The following WWOX variants were observed in gnomAD, a reference collection of about 807,000 sequenced individuals.
WWOX encodes WW domain-containing oxidoreductase.
A neutral mutation model predicts 46.2 loss-of-function variants in WWOX; 69 were observed. The ratio of observed to expected loss-of-function variants is 1.49; its 90% CI spans 1.23 to 1.82. The LOEUF is 1.82. WWOX is among the 40% of genes most tolerant of loss of function. The pLI is 0.00. For missense variants in WWOX, 919 were observed against 542.6 expected (o/e 1.69, Z -6.89); for synonymous variants, 359 against 202.6 (o/e 1.77, Z -6.56).
At chr16:78,808,815 C>G (rs1335510985) in intron 8 of WWOX, among the ~76,000 whole-genome samples, 1 of 152,114 alleles carries the variant, frequency 6.6e-6, no homozygotes, top group Non-Finnish European at 1.5e-5. Context: ...GCCTAAACTG[C>G]TATTTTATGT....
chr16:78,353,503 C>T (rs945606675), intron 5 of WWOX, among the ~76,000 whole-genome samples: 1 of 152,194 alleles, frequency 6.6e-6, no homozygotes. Flanking sequence ...CTTTCTGTCC[C>T]TTCTCCTCTA....
intron 4 of WWOX, chr16:78,118,838 T>C (rs1301414975): frequency 6.6e-6 from 1 of 152,206 alleles, no homozygotes; most frequent in East Asian, 1.9e-4. Context: ...GCACATTGTA[T>C]GTAACTGTTG....
chr16:78,612,583 C>T (rs2045926938), intron 8 of WWOX, among the ~76,000 whole-genome samples: 1 of 152,178 alleles, frequency 6.6e-6, no homozygotes, highest in African/African-American at 2.4e-5. Flanking sequence ...TCAAGCATTC[C>T]TCCCACATCA....
intron 5 of WWOX, among the ~76,000 whole-genome samples, chr16:78,221,784 G>T (rs2036896210): frequency 1.3e-5 from 2 of 152,140 alleles, no homozygotes; most frequent in African/African-American, 4.8e-5. Flanking sequence ...TGGAAGGTTT[G>T]TAATTTGTTT....
At chr16:78,104,653 A>T (rs1247872077) in intron 1 of WWOX, among the ~76,000 whole-genome samples, 2 of 152,236 alleles carry the variant, frequency 1.3e-5, no homozygotes. Context: ...AAAAAATCAA[A>T]GACGGCTTCT....
chr16:79,145,983 A>G (rs1208768529), intron 8 of WWOX, among the ~76,000 whole-genome samples: 2 of 152,216 alleles, frequency 1.3e-5, no homozygotes, highest in African/African-American at 4.8e-5. Flanking sequence ...TCAGCTAAAA[A>G]GGGGGCAGTC....
At chr16:78,676,055 G>A (rs1466291808) in intron 8 of WWOX, among the ~76,000 whole-genome samples, 2 of 151,976 alleles carry the variant, frequency 1.3e-5, no homozygotes, top group Non-Finnish European at 2.9e-5. Context: ...GCTTGTTTAA[G>A]AATCTCAGAG....
At chr16:78,649,458 A>C (rs564428375) in intron 8 of WWOX, among the ~76,000 whole-genome samples, 1 of 151,748 alleles carries the variant, frequency 6.6e-6, no homozygotes, top group South Asian at 2.1e-4. Context: ...TGTTGAAAAA[A>C]AAATGGTGGG....
At chr16:78,646,278 T>G (rs2046840204) in intron 8 of WWOX, among the ~76,000 whole-genome samples, 1 of 152,146 alleles carries the variant, frequency 6.6e-6, no homozygotes, top group Non-Finnish European at 1.5e-5. Context: ...CTTCCCAAAG[T>G]GCTGGGATTA....
rs57178994 is a variant in WWOX, at chr16:79,167,922, C to T, written c.1057-43686C>T. ...CCATTCCCTTCTTCCAACTTCTCTG[C>T]TTTTGGTCTCTGTGGATTTGCCTAT... On this transcript the variant is annotated intron_variant, in intron 8 of 8. Transcript: ENST00000566780. Among the ~76,000 whole-genome samples, 1,161 of 152,206 alleles carry T rather than the reference C, an allele frequency of 7.6e-3. 13 individuals are homozygous for T. Among genetic ancestry groups the T allele is most frequent in the African/African-American group, 0.027 (1,129 of 41,534 alleles).
At chr16:79,125,269 G>A (rs138665354) in intron 8 of WWOX, among the ~76,000 whole-genome samples, 1 of 152,226 alleles carries the variant, frequency 6.6e-6, no homozygotes, top group African/African-American at 2.4e-5. Flanking sequence ...ACTGTTGATT[G>A]TATTTTAGAA....
chr16:79,111,394 G>T (rs1485904499), intron 8 of WWOX, among the ~76,000 whole-genome samples: 4 of 152,134 alleles, frequency 2.6e-5, no homozygotes, highest in Admixed American at 6.5e-5. Context: ...TCCTTTTTCT[G>T]GGGTCTTTTG....
intron 5 of WWOX, among the ~76,000 whole-genome samples, chr16:78,207,762 A>C (rs938822253): frequency 1.4e-4 from 7 of 48,614 alleles, no homozygotes; most frequent in African/African-American, 6.7e-4. Context: ...ACCCTATTAC[A>C]AAAAAAAAAA....
chr16:78,728,244 T>G (rs1347185997), intron 8 of WWOX, among the ~76,000 whole-genome samples: 1 of 151,710 alleles, frequency 6.6e-6, no homozygotes, highest in Admixed American at 6.6e-5. Flanking sequence ...TTTGTATTTT[T>G]TGTAGAGATG....
intron 8 of WWOX, among the ~76,000 whole-genome samples, chr16:78,479,350 T>C (rs2084433231): frequency 6.6e-6 from 1 of 152,230 alleles, no homozygotes. Flanking sequence ...ATAATTTTGA[T>C]AGAAGCAAAG....
At chr16:78,472,266 G>A (rs1437218702) in intron 8 of WWOX, among the ~76,000 whole-genome samples, 1 of 152,048 alleles carries the variant, frequency 6.6e-6, no homozygotes, top group Admixed American at 6.6e-5. Flanking sequence ...AATGACTAAC[G>A]AGGATCAGAG....
intron 8 of WWOX, among the ~76,000 whole-genome samples, chr16:78,855,353 G>T (rs1474115916): frequency 1.3e-5 from 2 of 152,094 alleles, no homozygotes; most frequent in African/African-American, 4.8e-5. Context: ...GTCTAATTTA[G>T]TGTTAGCTGA....
At chr16:78,166,034 C>T (rs558755384) in intron 5 of WWOX, among the ~76,000 whole-genome samples, 107 of 152,214 alleles carry the variant, frequency 7.0e-4, no homozygotes, top group South Asian at 2.3e-3. Context: ...TGAATCTACA[C>T]GCAGAATGGG....
At chr16:78,948,736 G>A (rs541460887) in intron 8 of WWOX, among the ~76,000 whole-genome samples, 1 of 152,086 alleles carries the variant, frequency 6.6e-6, no homozygotes, top group African/African-American at 2.4e-5. Flanking sequence ...CATCTCCTCT[G>A]TTGGCATTAC....
Sources: allele counts gnomAD v4.1 joint callset (sites outside exome capture counted in the v4.1 genomes callset), GRCh38; gene constraint gnomAD v4.1.1; transcripts MANE v1.5; gene names NCBI Gene and HGNC (gene_info 2026-07-23, HGNC 2026-07-21).